Variants in MAP4K3 observed in about 807,000 individuals in gnomAD.
MAP4K3 encodes the protein mitogen-activated protein kinase kinase kinase kinase 3.
A neutral mutation model predicts 143.5 loss-of-function variants in MAP4K3; 94 were observed. That is an observed-to-expected ratio of 0.65 (90% CI 0.55 to 0.78). MAP4K3 has a LOEUF of 0.78. Among genes scored for constraint, MAP4K3 ranks in the 30% least tolerant of loss-of-function variants. The probability of loss-of-function intolerance (pLI) is 0.00; values close to 1 mark genes in which losing one functional copy is unlikely to be tolerated. For missense variants in MAP4K3, 1,077 were observed against 1,068.1 expected (o/e 1.01, Z -0.12); for synonymous variants, 416 against 347.2 (o/e 1.20, Z -2.20).
chr2:39,432,508 T>C (rs928398273), intron 1 of MAP4K3, among the ~76,000 whole-genome samples: 16 of 152,238 alleles, frequency 1.1e-4, no homozygotes, highest in Admixed American at 9.8e-4. Flanking sequence ...CTATCCTAAA[T>C]GGAAGTAAAT....
At chr2:39,423,053 A>G (rs1664935817) in intron 1 of MAP4K3, among the ~76,000 whole-genome samples, 1 of 152,212 alleles carries the variant, frequency 6.6e-6, no homozygotes, top group African/African-American at 2.4e-5. Flanking sequence ...TATCCAAAAT[A>G]TACAAAGAAC....
At chr2:39,403,626 T>C (rs1339675984) in intron 1 of MAP4K3, among the ~76,000 whole-genome samples, 1 of 152,020 alleles carries the variant, frequency 6.6e-6, no homozygotes, top group African/African-American at 2.4e-5. Flanking sequence ...TGAAGTACTC[T>C]GCAGCCCTCA....
intron 2 of MAP4K3, among the ~76,000 whole-genome samples, chr2:39,367,411 G>T (rs1227812092): frequency 6.6e-6 from 1 of 151,950 alleles, no homozygotes; most frequent in Admixed American, 6.6e-5. Flanking sequence ...ATGGTGGTGT[G>T]AGCCTGTAGT....
At chr2:39,393,834 T>TA (rs993578713) in intron 1 of MAP4K3, among the ~76,000 whole-genome samples, 2 of 152,136 alleles carry the variant, frequency 1.3e-5, no homozygotes, top group Admixed American at 1.3e-4. Flanking sequence ...CAGCCATATA[T>TA]ATATGGGTTT....
intron 3 of MAP4K3, among the ~76,000 whole-genome samples, chr2:39,354,624 T>C (rs1665554370): frequency 6.6e-6 from 1 of 151,680 alleles, no homozygotes; most frequent in Admixed American, 6.6e-5. Flanking sequence ...ATCATGCCAC[T>C]GCACTCCAGC....
intron 1 of MAP4K3, among the ~76,000 whole-genome samples, chr2:39,397,534 A>G (rs531469867): frequency 7.1e-4 from 108 of 152,326 alleles, no homozygotes; most frequent in Non-Finnish European, 1.1e-3. Flanking sequence ...TCATAAAGGT[A>G]TCAACTCTTC....
At chr2:39,303,405 G>A (rs889374550) in intron 15 of MAP4K3, among the ~76,000 whole-genome samples, 2 of 152,122 alleles carry the variant, frequency 1.3e-5, no homozygotes, top group African/African-American at 2.4e-5. Context: ...GCCTGAAAAT[G>A]GAATAATATG....
In MAP4K3 at chr2:39,299,823, T is replaced by C. The variant is rs373528331; in HGVS notation, c.1120-22A>G. ...GATCCTAATAGTACAAAATAAAATA[T>C]TTAGCACAATAGTAGTATATGACAC... On this transcript the variant is annotated intron_variant, in intron 15 of 33. Coordinates refer to ENST00000263881, the MANE Select transcript of MAP4K3 (RefSeq NM_003618.4). The C allele has an allele frequency of 1.5e-5, 21 of 1,359,952 alleles. No individual in the cohort carries two copies. The African/African-American group carries it at 2.9e-4, about 19-fold the overall frequency. 84.2% of individuals were successfully genotyped at this position (1,359,952 alleles called of 1,614,324 possible).
At chr2:39,400,037 A>G (rs942727495) in intron 1 of MAP4K3, among the ~76,000 whole-genome samples, 1 of 152,186 alleles carries the variant, frequency 6.6e-6, no homozygotes, top group Non-Finnish European at 1.5e-5. Context: ...CATATAACCA[A>G]CTAGACAATG....
chr2:39,403,142 C>G (rs1020810745), intron 1 of MAP4K3, among the ~76,000 whole-genome samples: 5 of 152,136 alleles, frequency 3.3e-5, no homozygotes, highest in African/African-American at 1.2e-4. Flanking sequence ...TACAGAAACT[C>G]TTTCAGAAAA....
intron 1 of MAP4K3, among the ~76,000 whole-genome samples, chr2:39,392,183 CA>C (rs3086434): frequency 9.4e-4 from 65 of 69,034 alleles, no homozygotes; most frequent in African/African-American, 3.3e-3. Context: ...CACTCCTACT[CA>C]AAAAAAAAAA....
chr2:39,436,434 A>G (rs1402353792), intron 1 of MAP4K3, among the ~76,000 whole-genome samples: 2 of 152,124 alleles, frequency 1.3e-5, no homozygotes, highest in Non-Finnish European at 1.5e-5. Flanking sequence ...GCATAGTATA[A>G]TAACTACCAC....
chr2:39,327,738 A>G (rs1683541964), intron 8 of MAP4K3, among the ~76,000 whole-genome samples: 1 of 151,678 alleles, frequency 6.6e-6, no homozygotes, highest in Admixed American at 6.6e-5. Context: ...CGAATTTCAA[A>G]GTGTCAGTTA....
At chr2:39,375,071 G>C (rs1163754617) in intron 2 of MAP4K3, among the ~76,000 whole-genome samples, 3 of 152,074 alleles carry the variant, frequency 2.0e-5, no homozygotes, top group Non-Finnish European at 2.9e-5. Context: ...GAGCAAACTG[G>C]GCAATATAGT....
At chr2:39,404,084 G>A (rs527839898) in intron 1 of MAP4K3, among the ~76,000 whole-genome samples, 5 of 152,130 alleles carry the variant, frequency 3.3e-5, no homozygotes, top group Non-Finnish European at 7.4e-5. Flanking sequence ...CAAAACCCAG[G>A]TAGTATGCTG....
At chr2:39,348,986 C>T (rs1665374170) in intron 3 of MAP4K3, among the ~76,000 whole-genome samples, 1 of 151,884 alleles carries the variant, frequency 6.6e-6, no homozygotes. Flanking sequence ...AAAATGTGAC[C>T]AAGACTACTG....
At chr2:39,302,900 G>A (rs375435302) in intron 15 of MAP4K3, among the ~76,000 whole-genome samples, 9 of 152,164 alleles carry the variant, frequency 5.9e-5, no homozygotes, top group African/African-American at 1.9e-4. Context: ...TCATTTTAGC[G>A]AATGGGAGAC....
intron 3 of MAP4K3, among the ~76,000 whole-genome samples, chr2:39,346,030 C>T (rs1186327339): frequency 6.7e-6 from 1 of 149,312 alleles, no homozygotes; most frequent in East Asian, 2.0e-4. Context: ...TTGAAGCATA[C>T]AGCTGATATA....
chr2:39,361,018 C>A (rs920092475), intron 2 of MAP4K3, among the ~76,000 whole-genome samples: 10 of 152,122 alleles, frequency 6.6e-5, no homozygotes, highest in Non-Finnish European at 1.3e-4. Flanking sequence ...TTGCTGCTGG[C>A]CTTGTCTACA....
Sources: gnomAD v4.1 joint callset for allele counts (sites outside exome capture counted in the v4.1 genomes callset) on GRCh38, gnomAD v4.1.1 for gene constraint, MANE v1.5 for transcripts, NCBI Gene and HGNC (gene_info 2026-07-23, HGNC 2026-07-21) for gene names.